The following FRMPD4 variants were observed in gnomAD, a reference collection of about 807,000 sequenced individuals.
FRMPD4 encodes the protein FERM and PDZ domain containing 4.
A neutral mutation model predicts 94.1 loss-of-function variants in FRMPD4; 22 were observed. The observed-to-expected ratio is 0.23, with a 90% CI of 0.17 to 0.33. The LOEUF is 0.33. FRMPD4 is among the 10% of genes least tolerant of loss of function. The pLI is 1.00. For missense variants in FRMPD4, 1,111 were observed against 1,339.9 expected (o/e 0.83, Z 2.67); for synonymous variants, 631 against 548.6 (o/e 1.15, Z -2.10).
At chrX:11,951,344 G>A (rs2897728) in intron 3 of FRMPD4, among the ~76,000 whole-genome samples, 39,464 of 110,368 alleles carry the variant, frequency 0.36, 5,494 homozygotes, top group East Asian at 0.82. Context: ...ATCAACCTAA[G>A]AGCCTGTCAA....
rs200493359 is a variant in FRMPD4, at chrX:12,591,648, A to AGCT, written c.159-18070_159-18068dup. On this transcript the variant is annotated intron_variant, in intron 2 of 16. Coordinates refer to ENST00000675598, the MANE Select transcript of FRMPD4 (RefSeq NM_001368397.1). The stretch of plus-strand genomic sequence containing the variant: ...AAGTCATTGTGATCAAGACCAGATG[A>AGCT]GCTGCAAAGTCTATCTGGGCCCTTT... Among the ~76,000 whole-genome samples, 562 of 112,272 alleles carry AGCT rather than the reference A, an allele frequency of 5.0e-3. 4 individuals are homozygous for AGCT. The highest frequency in any genetic ancestry group is 0.017 in the African/African-American group (537 of 30,906).
rs1434738624 is a variant in FRMPD4 at position 12,521,623 on chromosome X, G to A, written c.158+22827G>A. On this transcript the variant is annotated intron_variant, in intron 2 of 16. Coordinates refer to ENST00000675598, the MANE Select transcript of FRMPD4 (RefSeq NM_001368397.1). Reference sequence around the variant, plus strand: ...GTTCTTCTATTTTTGTTCACCTTTAGCAGTGACTTTTTTCCTAGCTTAAAT... The same window carrying A: ...GTTCTTCTATTTTTGTTCACCTTTAACAGTGACTTTTTTCCTAGCTTAAAT... Among the ~76,000 whole-genome samples the A allele has an allele frequency of 7.1e-5, 8 of 112,248 alleles. No homozygotes were observed. The Admixed American group carries it at 7.6e-4, about 11-fold the overall frequency.
In FRMPD4 at chrX:12,315,172, G is replaced by T. The variant is rs904195481; in HGVS notation, c.41+176160G>T. 2.7e-5 allele frequency among the ~76,000 whole-genome samples: 3 copies of T among 111,800 alleles called. No individual in the cohort carries two copies. The East Asian group carries it at 8.4e-4, about 31-fold the overall frequency. On this transcript the variant is annotated intron_variant, in intron 1 of 16. Transcript: ENST00000675598. ...AACAGTTATAAATTTAACTTGTGCC[G>T]AGTGACTAATATACTATTTAATGTC...
chrX:11,845,955 T>G (rs2053573887), intron 1 of FRMPD4, among the ~76,000 whole-genome samples: 1 of 106,122 alleles, frequency 9.4e-6, no homozygotes, highest in South Asian at 4.4e-4. Context: ...AAGCATTCCC[T>G]ATGAAAACTG....
chrX:12,042,475 T>A (rs994953232), intron 3 of FRMPD4, among the ~76,000 whole-genome samples: 11 of 111,638 alleles, frequency 9.9e-5, no homozygotes, highest in Non-Finnish European at 1.9e-4. Context: ...CCTGCATTAT[T>A]TATATCCTGC....
intron 1 of FRMPD4, among the ~76,000 whole-genome samples, chrX:12,388,118 A>T (rs1163616614): frequency 8.9e-6 from 1 of 111,778 alleles, no homozygotes; most frequent in Non-Finnish European, 1.9e-5. Context: ...CTGGGAAGGC[A>T]TAAGAGGGAA....
At chrX:11,848,557 A>G (rs756090322) in intron 1 of FRMPD4, among the ~76,000 whole-genome samples, 6 of 107,264 alleles carry the variant, frequency 5.6e-5, no homozygotes, top group Non-Finnish European at 1.2e-4. Flanking sequence ...TTGCACATAC[A>G]TGCAGACTCT....
chrX:11,829,509 A>T (rs949911297), intron 1 of FRMPD4, among the ~76,000 whole-genome samples: 47 of 112,239 alleles, frequency 4.2e-4, no homozygotes, highest in African/African-American at 1.5e-3. Flanking sequence ...AAACCTCACC[A>T]TCATGATATA....
chrX:12,241,110 T>C (rs7053619), intron 1 of FRMPD4, among the ~76,000 whole-genome samples: 3,008 of 112,383 alleles, frequency 0.027, 102 homozygotes, highest in African/African-American at 0.092. Flanking sequence ...AATTTCTCAA[T>C]ATCAGTAATA....
In FRMPD4 at chrX:12,516,895, C is replaced by T. The variant is rs923831222; in HGVS notation, c.158+18099C>T. Reference sequence around the variant, plus strand: ...CTCAGAGGTTTTGTTCATTCCTTTTCGTTCTTTTTTTTTTTTTTTTTTTCC... The same window carrying T: ...CTCAGAGGTTTTGTTCATTCCTTTTTGTTCTTTTTTTTTTTTTTTTTTTCC... On this transcript the variant is annotated intron_variant, in intron 2 of 16. Transcript: ENST00000675598. 4.0e-3 allele frequency among the ~76,000 whole-genome samples: 266 copies of T among 66,307 alleles called. 2 individuals carry two copies. The highest frequency in any genetic ancestry group is 0.012 in the African/African-American group (187 of 15,814). The allele number at this position is 66,307 out of a possible 115,157, so 57.6% of individuals were successfully genotyped here.
intron 3 of FRMPD4, among the ~76,000 whole-genome samples, chrX:11,944,375 C>T (rs1161740532): frequency 8.9e-6 from 1 of 111,958 alleles, no homozygotes; most frequent in African/African-American, 3.2e-5. Context: ...CCAGATACCA[C>T]AGGCTTTTTA....
chrX:12,367,635 C>T (rs761755573), intron 1 of FRMPD4, among the ~76,000 whole-genome samples: 6 of 110,834 alleles, frequency 5.4e-5, no homozygotes, highest in African/African-American at 1.6e-4. Flanking sequence ...GCAGAAGTGT[C>T]GGATGGTGGC....
chrX:12,431,854 A>G (rs1163987301), intron 1 of FRMPD4, among the ~76,000 whole-genome samples: 4 of 112,306 alleles, frequency 3.6e-5, no homozygotes, highest in Non-Finnish European at 5.6e-5. Context: ...CGAAAAAAGC[A>G]ATACCTTTAA....
chrX:12,134,101 T>A (rs2055577689), upstream of FRMPD4, among the ~76,000 whole-genome samples: 1 of 112,401 alleles, frequency 8.9e-6, no homozygotes, highest in Non-Finnish European at 1.9e-5. Flanking sequence ...CTGCATGGAA[T>A]GCTCTTCCAT....
At chrX:12,036,539 GA>G (rs376150439) in intron 3 of FRMPD4, among the ~76,000 whole-genome samples, 1 of 111,941 alleles carries the variant, frequency 8.9e-6, no homozygotes, top group African/African-American at 3.2e-5. Flanking sequence ...AAATTATTTT[GA>G]AAATAATTTA....
At chrX:11,898,147 G>A (rs1190777726) in intron 3 of FRMPD4, among the ~76,000 whole-genome samples, 1 of 111,236 alleles carries the variant, frequency 9.0e-6, no homozygotes, top group Non-Finnish European at 1.9e-5. Flanking sequence ...GGTATGGGGG[G>A]CAGGCAGGAA....
At chrX:12,388,850 T>TATATATATATATATATATATACAC (rs1491368741) in intron 1 of FRMPD4, among the ~76,000 whole-genome samples, 5 of 73,462 alleles carry the variant, frequency 6.8e-5, no homozygotes, top group African/African-American at 2.6e-4. Flanking sequence ...TATATATATA[T>TATATATATATATATATATATACAC]ACACACAATG....
intron 3 of FRMPD4, among the ~76,000 whole-genome samples, chrX:12,131,189 C>A (rs746919892): frequency 4.5e-5 from 5 of 112,044 alleles, no homozygotes; most frequent in Non-Finnish European, 7.5e-5. Context: ...ATATAGCAAA[C>A]GTGGTTCTTA....
chrX:12,632,798 T>C (rs1348068335), intron 4 of FRMPD4, among the ~76,000 whole-genome samples: 1 of 112,194 alleles, frequency 8.9e-6, no homozygotes. Flanking sequence ...AGTTTAGTTA[T>C]AAATGGGATC....
Sources: allele counts gnomAD v4.1 joint callset (sites outside exome capture counted in the v4.1 genomes callset), GRCh38; gene constraint gnomAD v4.1.1; transcripts MANE v1.5; gene names NCBI Gene and HGNC (gene_info 2026-07-23, HGNC 2026-07-21).